The following DPH6 variants were observed in gnomAD, a reference collection of about 807,000 sequenced individuals.
DPH6 encodes diphthine--ammonia ligase.
A neutral mutation model predicts 38.2 loss-of-function variants in DPH6; 33 were observed. The ratio of observed to expected loss-of-function variants is 0.86; its 90% CI spans 0.65 to 1.15. DPH6 has a LOEUF of 1.15. Among genes scored for constraint, DPH6 ranks in the 50% most tolerant of loss-of-function variants. The pLI is 0.00. For synonymous variants in DPH6, 108 were observed against 103.0 expected, an observed-to-expected ratio of 1.05 and a Z score of -0.30; for missense variants, 325 against 320.0, an observed-to-expected ratio of 1.02 and a Z score of -0.12.
intron 7 of DPH6, among the ~76,000 whole-genome samples, chr15:35,376,421 C>T (rs914566712): frequency 4.6e-5 from 7 of 152,050 alleles, no homozygotes; most frequent in South Asian, 2.1e-4. Flanking sequence ...CTGGGTATTA[C>T]GGTGGTGCCA....
At chr15:35,230,158 A>C (rs2051507168) in intron 3 of DPH6, among the ~76,000 whole-genome samples, 1 of 152,212 alleles carries the variant, frequency 6.6e-6, no homozygotes, top group Non-Finnish European at 1.5e-5. Context: ...TCTGGGAGCC[A>C]GGGACTACTG....
chr15:35,485,190 A>G (rs1299575396), intron 3 of DPH6, among the ~76,000 whole-genome samples: 2 of 152,308 alleles, frequency 1.3e-5, no homozygotes, highest in East Asian at 3.9e-4. Context: ...ACAGCTAGTA[A>G]ATAGCAGAGC....
intron 6 of DPH6, among the ~76,000 whole-genome samples, chr15:35,405,697 CTT>C (rs1388977647): frequency 2.0e-5 from 3 of 152,042 alleles, no homozygotes; most frequent in Non-Finnish European, 2.9e-5. Flanking sequence ...ATATCTTTCT[CTT>C]GTCTGATTGC....
rs144110013 is a variant in DPH6 at position 35,224,349 on chromosome 15, C to T, written n.201-3767G>A. ...CTCAGACTCCTGACCTCAAGTGATC[C>T]GCCTGCCACGGCCTCCCAAAGTGCT... On this transcript the variant is annotated intron_variant and non_coding_transcript_variant, in intron 3 of 3. Transcript: ENST00000560386. Among the ~76,000 whole-genome samples the T allele has an allele frequency of 3.6e-3, 544 of 152,098 alleles. 6 individuals carry two copies. Among genetic ancestry groups the T allele is most frequent in the African/African-American group, 0.013 (523 of 41,488 alleles).
At chr15:35,280,043 C>T (rs957862616) in intron 3 of DPH6, among the ~76,000 whole-genome samples, 21 of 152,182 alleles carry the variant, frequency 1.4e-4, no homozygotes, top group African/African-American at 5.1e-4. Context: ...ACCAAATTGG[C>T]TGGCACCTTG....
intron 3 of DPH6, among the ~76,000 whole-genome samples, chr15:35,240,494 C>T (rs575333473): frequency 0.013 from 1,792 of 142,942 alleles, 215 homozygotes; most frequent in African/African-American, 0.042. Context: ...CCTCAGCCTC[C>T]GCTCCTCCAC....
chr15:35,376,701 T>C (rs989340228), intron 7 of DPH6, among the ~76,000 whole-genome samples: 3 of 152,282 alleles, frequency 2.0e-5, no homozygotes, highest in African/African-American at 7.2e-5. Flanking sequence ...TTTTATATCA[T>C]ATTTTTACTG....
At chr15:35,320,695 C>G (rs900708709) in intron 3 of DPH6, among the ~76,000 whole-genome samples, 2 of 152,138 alleles carry the variant, frequency 1.3e-5, no homozygotes, top group Non-Finnish European at 2.9e-5. Flanking sequence ...GTTGCAGGGT[C>G]AACTTTGTTG....
At chr15:35,447,054 A>G (rs775648519) in intron 5 of DPH6, among the ~76,000 whole-genome samples, 1 of 151,958 alleles carries the variant, frequency 6.6e-6, no homozygotes, top group Non-Finnish European at 1.5e-5. Context: ...TATTTTCAGT[A>G]GAGATGGGGT....
intron 3 of DPH6, among the ~76,000 whole-genome samples, chr15:35,457,744 T>C (rs754553597): frequency 6.6e-6 from 1 of 152,250 alleles, no homozygotes; most frequent in Non-Finnish European, 1.5e-5. Context: ...AAGGTTACTA[T>C]GGAGATTGAA....
chr15:35,434,866 C>T (rs2141041168), intron 5 of DPH6, among the ~76,000 whole-genome samples: 1 of 152,260 alleles, frequency 6.6e-6, no homozygotes, highest in East Asian at 1.9e-4. Context: ...CTCCGGCTCC[C>T]AGGCTCAAGT....
intron 3 of DPH6, among the ~76,000 whole-genome samples, chr15:35,292,301 C>A (rs557978367): frequency 6.6e-6 from 1 of 152,218 alleles, no homozygotes; most frequent in African/African-American, 2.4e-5. Flanking sequence ...TGTAAATTGT[C>A]TACCTGGTCC....
At position 35,410,874 on chromosome 15, in the gene DPH6, A is replaced by T. The variant is rs115170736; in HGVS notation, c.528T>A (p.Leu176=). The T allele has an allele frequency of 9.2e-4, 1,472 of 1,605,106 alleles. 8 individuals carry two copies. In the African/African-American group the frequency reaches 0.017, roughly 18 times the overall value. The stretch of plus-strand genomic sequence containing the variant: ...GCTCCATTTGATCCAGGGTTTTCCC[A>T]AGATGCTTATCAGGATCTAAACCTG... ...AALGLDPDKH[L]GKTLDQMEPY... The change falls in exon 6 of 9, where the codon CTT becomes CTA. Residue 176 remains leucine (L), a synonymous_variant. Transcript: ENST00000256538.
chr15:35,158,940 G>A, the DPH6 span, among the ~76,000 whole-genome samples: 1 of 151,930 alleles, frequency 6.6e-6, no homozygotes, highest in Admixed American at 6.6e-5. Flanking sequence ...AAACACACAG[G>A]CTAAGCTCAT....
the DPH6 span, among the ~76,000 whole-genome samples, chr15:35,174,291 A>C: frequency 3.9e-5 from 6 of 152,218 alleles, no homozygotes; most frequent in Non-Finnish European, 8.8e-5. Flanking sequence ...AAAGAATTTA[A>C]GCCTTTTATT....
chr15:35,489,283 A>G, intron 3 of DPH6: 1 of 968,222 alleles, frequency 1.0e-6, no homozygotes, highest in Non-Finnish European at 1.2e-6. Flanking sequence ...TGTCTATTCA[A>G]AGAAAATGGA....
intron 3 of DPH6, among the ~76,000 whole-genome samples, chr15:35,315,200 C>T (rs1055988916): frequency 6.6e-5 from 10 of 152,144 alleles, no homozygotes; most frequent in Non-Finnish European, 1.3e-4. Context: ...CCTCAACCGC[C>T]GTATTCACCT....
At chr15:35,356,444 C>T (rs186699139) in intron 3 of DPH6, among the ~76,000 whole-genome samples, 102 of 152,260 alleles carry the variant, frequency 6.7e-4, no homozygotes, top group African/African-American at 1.7e-3. Context: ...ATGATGGTGA[C>T]GTACAGATGG....
intron 5 of DPH6, among the ~76,000 whole-genome samples, chr15:35,415,179 T>C (rs911855708): frequency 6.6e-6 from 1 of 151,984 alleles, no homozygotes; most frequent in Non-Finnish European, 1.5e-5. Flanking sequence ...TTGGGAAATA[T>C]GTTAAAATCC....
Sources: gnomAD v4.1 joint callset for allele counts (sites outside exome capture counted in the v4.1 genomes callset) on GRCh38, gnomAD v4.1.1 for gene constraint, MANE v1.5 for transcripts, NCBI Gene and HGNC (gene_info 2026-07-23, HGNC 2026-07-21) for gene names.